CARMIL1: variants seen among roughly 807,000 people sequenced by gnomAD.
The protein encoded by CARMIL1 is F-actin-uncapping protein LRRC16A.
In CARMIL1, 90 loss-of-function variants were observed where a neutral mutation model predicts 177.1. The ratio of observed to expected loss-of-function variants is 0.51; its 90% confidence interval spans 0.43 to 0.61. The LOEUF (loss-of-function observed/expected upper bound fraction) is 0.61. Among genes scored for constraint, CARMIL1 ranks in the 20% least tolerant of loss-of-function variants. The pLI is 0.00. For missense variants in CARMIL1, 1,380 were observed against 1,667.0 expected (o/e 0.83, Z 3.00); for synonymous variants, 577 against 606.2 (o/e 0.95, Z 0.71).
At chr6:25,464,278 T>C (rs1157125992) in intron 8 of CARMIL1, among the ~76,000 whole-genome samples, 1 of 152,086 alleles carries the variant, frequency 6.6e-6, no homozygotes, top group Non-Finnish European at 1.5e-5. Context: ...TGGGCACTCA[T>C]CTCATCTTTT....
chr6:25,328,070 G>A (rs1257179013), intron 2 of CARMIL1, among the ~76,000 whole-genome samples: 3 of 152,122 alleles, frequency 2.0e-5, no homozygotes, highest in Admixed American at 6.6e-5. Flanking sequence ...CCACTCTGAC[G>A]TAGGTGGTAT....
intron 2 of CARMIL1, among the ~76,000 whole-genome samples, chr6:25,364,101 A>C (rs944660561): frequency 6.6e-6 from 1 of 151,806 alleles, no homozygotes; most frequent in African/African-American, 2.4e-5. Context: ...ATGCACTACC[A>C]TACCCATAAT....
chr6:25,586,353 G>C (rs1424981894), intron 31 of CARMIL1, among the ~76,000 whole-genome samples: 1 of 150,966 alleles, frequency 6.6e-6, no homozygotes, highest in African/African-American at 2.5e-5. Context: ...TCACATCCCA[G>C]ACGGGGTGGC....
At chr6:25,401,126 A>G (rs547113527) in intron 2 of CARMIL1, among the ~76,000 whole-genome samples, 4 of 152,286 alleles carry the variant, frequency 2.6e-5, no homozygotes, top group African/African-American at 9.6e-5. Flanking sequence ...ACAGGAACTA[A>G]TAACATTTAT....
At chr6:25,377,973 T>C (rs1791159365) in intron 2 of CARMIL1, among the ~76,000 whole-genome samples, 1 of 152,080 alleles carries the variant, frequency 6.6e-6, no homozygotes, top group Non-Finnish European at 1.5e-5. Flanking sequence ...CTGTTCTTTT[T>C]ATTAAGCTAC....
At chr6:25,502,834 A>G (rs1459885134) in intron 17 of CARMIL1, among the ~76,000 whole-genome samples, 2 of 152,316 alleles carry the variant, frequency 1.3e-5, no homozygotes, top group Non-Finnish European at 2.9e-5. Flanking sequence ...TCTTTTGCTA[A>G]TAGTAATATT....
chr6:25,543,762 A>C (rs1390638972), intron 26 of CARMIL1, among the ~76,000 whole-genome samples: 1 of 152,054 alleles, frequency 6.6e-6, no homozygotes, highest in Non-Finnish European at 1.5e-5. Context: ...TTCTTTCTAG[A>C]CTTTATATTT....
intron 2 of CARMIL1, among the ~76,000 whole-genome samples, chr6:25,395,847 C>T (rs976378162): frequency 6.6e-6 from 1 of 152,150 alleles, no homozygotes; most frequent in Non-Finnish European, 1.5e-5. Flanking sequence ...GGTTTCCAGC[C>T]GGGGAATGAA....
intron 2 of CARMIL1, among the ~76,000 whole-genome samples, chr6:25,389,537 T>A (rs1792537122): frequency 1.3e-5 from 2 of 152,210 alleles, no homozygotes; most frequent in Non-Finnish European, 2.9e-5. Context: ...GTCGATCACT[T>A]CTTTTCTCCA....
At chr6:25,375,585 C>G (rs995056701) in intron 2 of CARMIL1, among the ~76,000 whole-genome samples, 3 of 152,150 alleles carry the variant, frequency 2.0e-5, no homozygotes, top group Non-Finnish European at 4.4e-5. Context: ...ATAAGTTTCC[C>G]AAATTTTTTG....
chr6:25,563,262 CA>C lies in CARMIL1; in HGVS notation c.2742+6418del, dbSNP rs1811290275. ...TGCATCAACGACGTTTCGTTTATGT[CA>C]AAAAAGCTCCAAATTATCACTGCTT... On this transcript the variant is annotated intron_variant, in intron 29 of 36. Transcript: ENST00000329474. The C allele has an allele frequency of 5.1e-6, 5 of 985,314 alleles. No individual in the cohort carries two copies. The South Asian group carries it at 1.9e-4, about 37-fold the overall frequency. The allele number at this position is 985,314 out of a possible 1,614,324, so 61.0% of individuals were successfully genotyped here. A position where few individuals can be genotyped will look rare whatever the true frequency, so the allele number is the denominator to read the frequency against.
chr6:25,427,300 C>A (rs547907412), intron 4 of CARMIL1, among the ~76,000 whole-genome samples: 2 of 152,060 alleles, frequency 1.3e-5, no homozygotes, highest in Non-Finnish European at 2.9e-5. Flanking sequence ...AAGCCCAGCA[C>A]GCATTAGCTA....
chr6:25,477,851 A>C (rs1250941248), intron 11 of CARMIL1, among the ~76,000 whole-genome samples: 34 of 90,736 alleles, frequency 3.7e-4, no homozygotes, highest in African/African-American at 1.1e-3. Flanking sequence ...TCTTCTCATC[A>C]CTTTTTTTTT....
chr6:25,602,304 A>G (rs1346713756), intron 33 of CARMIL1, among the ~76,000 whole-genome samples: 1 of 152,184 alleles, frequency 6.6e-6, no homozygotes, highest in Non-Finnish European at 1.5e-5. Flanking sequence ...TAATACTACA[A>G]CCATGTCATT....
chr6:25,347,423 A>G (rs1426848109), intron 2 of CARMIL1, among the ~76,000 whole-genome samples: 1 of 152,156 alleles, frequency 6.6e-6, no homozygotes, highest in East Asian at 1.9e-4. Flanking sequence ...AGGCTTGTGC[A>G]CTCTGGTTTT....
chr6:25,309,925 G>T (rs550535697), intron 2 of CARMIL1, among the ~76,000 whole-genome samples: 1 of 151,766 alleles, frequency 6.6e-6, no homozygotes, highest in Admixed American at 6.6e-5. Context: ...GCACGCCACC[G>T]CACCCGGCTA....
chr6:25,585,616 T>C (rs6935612), intron 31 of CARMIL1, among the ~76,000 whole-genome samples: 41,099 of 152,092 alleles, frequency 0.27, 5,770 homozygotes, highest in East Asian at 0.4. Flanking sequence ...GGCAGGGTCA[T>C]AGGACAATAG....
intron 2 of CARMIL1, among the ~76,000 whole-genome samples, chr6:25,325,114 T>C (rs1784968442): frequency 6.6e-6 from 1 of 152,202 alleles, no homozygotes; most frequent in South Asian, 2.1e-4. Flanking sequence ...TAAAACTTAC[T>C]TCTGGAAACT....
intron 8 of CARMIL1, among the ~76,000 whole-genome samples, chr6:25,463,203 G>C (rs1250046350): frequency 6.6e-6 from 1 of 151,918 alleles, no homozygotes; most frequent in Non-Finnish European, 1.5e-5. Context: ...ATGCTAACAA[G>C]GTATCCTTAT....
Sources: allele counts gnomAD v4.1 joint callset (sites outside exome capture counted in the v4.1 genomes callset), GRCh38; gene constraint gnomAD v4.1.1; transcripts MANE v1.5; gene names NCBI Gene and HGNC (gene_info 2026-07-23, HGNC 2026-07-21).